Variants in SYN3 observed in about 807,000 individuals in gnomAD.
SYN3 encodes the protein synapsin-3.
Under a neutral mutation model 65.8 loss-of-function variants are expected in SYN3, and 35 were observed. The observed-to-expected ratio is 0.53, with a 90% CI of 0.41 to 0.70. SYN3 has a LOEUF of 0.70. Ranked by LOEUF, SYN3 falls within the 30% of genes least tolerant of loss-of-function variation. The pLI, the probability that SYN3 is intolerant of heterozygous loss-of-function variation, is 0.00. For synonymous variants in SYN3, 270 were observed against 292.9 expected (o/e 0.92, Z 0.80); for missense variants, 680 against 749.0 (o/e 0.91, Z 1.08).
At chr22:32,591,018 GTGCT>G (rs1256527263) in intron 7 of SYN3, among the ~76,000 whole-genome samples, 1 of 152,182 alleles carries the variant, frequency 6.6e-6, no homozygotes, top group Non-Finnish European at 1.5e-5. Context: ...ACTGAGCTAT[GTGCT>G]TGACATATAT....
chr22:32,677,253 GT>G (rs2060458904), intron 6 of SYN3, among the ~76,000 whole-genome samples: 1 of 152,070 alleles, frequency 6.6e-6, no homozygotes. Context: ...TCGGTGATGA[GT>G]TTTTCAGAAG....
At chr22:32,724,577 T>C (rs1286204983) in intron 6 of SYN3, among the ~76,000 whole-genome samples, 1 of 152,242 alleles carries the variant, frequency 6.6e-6, no homozygotes, top group Non-Finnish European at 1.5e-5. Context: ...TGATAATCTA[T>C]ATGAACCTCT....
intron 6 of SYN3, chr22:32,864,518 A>G (rs2048634704): frequency 6.1e-6 from 1 of 164,216 alleles, no homozygotes; most frequent in African/African-American, 2.4e-5. Flanking sequence ...ATCAAATATT[A>G]ATATTACTGC....
At chr22:32,663,840 T>C (rs1438330267) in intron 6 of SYN3, among the ~76,000 whole-genome samples, 1 of 152,146 alleles carries the variant, frequency 6.6e-6, no homozygotes, top group Non-Finnish European at 1.5e-5. Flanking sequence ...TAGAATGATA[T>C]TAAATAGCAA....
intron 4 of SYN3, among the ~76,000 whole-genome samples, chr22:32,890,528 A>C (rs959224566): frequency 1.3e-5 from 2 of 151,930 alleles, no homozygotes; most frequent in African/African-American, 2.4e-5. Flanking sequence ...CTACAGGCGC[A>C]TGCCACCACG....
rs2146479038 is a variant in SYN3, at chr22:32,891,899, G to C, written c.462-22774C>G. On this transcript the variant is annotated intron_variant, in intron 4 of 13. Transcript: ENST00000358763. ...CTGCTGTGAGGACCAGAGGAAATCA[G>C]ACAATTGGAAGTAAATTCCAGGTCT... Among the ~76,000 whole-genome samples the C allele has an allele frequency of 2.6e-5, 4 of 151,962 alleles. No homozygotes were observed. In the South Asian group the frequency reaches 8.3e-4, roughly 32 times the overall value.
At chr22:32,600,202 G>C (rs2059261908) in intron 6 of SYN3, among the ~76,000 whole-genome samples, 5 of 152,202 alleles carry the variant, frequency 3.3e-5, no homozygotes. Flanking sequence ...CCATCTGGGG[G>C]TGATGGGAGA....
intron 7 of SYN3, among the ~76,000 whole-genome samples, chr22:32,571,148 A>G (rs4821074): frequency 0.37 from 56,693 of 151,960 alleles, 10,923 homozygotes; most frequent in East Asian, 0.52. Context: ...AGGCAGTCTG[A>G]GGAAGGCCTT....
chr22:32,934,045 G>A (rs1216717015), intron 3 of SYN3, among the ~76,000 whole-genome samples: 1 of 152,142 alleles, frequency 6.6e-6, no homozygotes, highest in Non-Finnish European at 1.5e-5. Context: ...CACTGTGAAT[G>A]AGTCCAGGTT....
At chr22:32,785,985 A>G (rs1314403739) in intron 6 of SYN3, among the ~76,000 whole-genome samples, 1 of 137,264 alleles carries the variant, frequency 7.3e-6, no homozygotes, top group East Asian at 2.1e-4. Flanking sequence ...AAGGAATTCA[A>G]ACCACTTCAA....
chr22:32,601,108 G>C (rs1426817676), intron 6 of SYN3, among the ~76,000 whole-genome samples: 2 of 152,198 alleles, frequency 1.3e-5, no homozygotes, highest in Non-Finnish European at 2.9e-5. Flanking sequence ...TGTGTTCATT[G>C]CTAGAAATTG....
At chr22:32,802,950 T>A (rs569534944) in intron 6 of SYN3, among the ~76,000 whole-genome samples, 1 of 152,208 alleles carries the variant, frequency 6.6e-6, no homozygotes, top group South Asian at 2.1e-4. Flanking sequence ...CTGGACTTAG[T>A]GTCTTGAGTA....
At chr22:32,984,161 C>CAAAAAAAAAAAAAAAAAACAAAAAA in intron 2 of SYN3, among the ~76,000 whole-genome samples, 1 of 93,016 alleles carries the variant, frequency 1.1e-5, no homozygotes, top group Non-Finnish European at 2.1e-5. Context: ...AAACTCCATC[C>CAAAAAAAAAAAAAAAAAACAAAAAA]AAAAAAAAAA....
At chr22:32,645,706 C>T (rs1026713675) in intron 6 of SYN3, among the ~76,000 whole-genome samples, 2 of 152,188 alleles carry the variant, frequency 1.3e-5, no homozygotes, top group African/African-American at 4.8e-5. Flanking sequence ...GACGTAACTG[C>T]TCCCTGCCCT....
chr22:32,733,567 GGCGGAGCTCAGTCTTT>G (rs2061298490), intron 6 of SYN3, among the ~76,000 whole-genome samples: 1 of 152,204 alleles, frequency 6.6e-6, no homozygotes, highest in South Asian at 2.1e-4. Flanking sequence ...GCCGGCGCCT[GGCGGAGCTCAGTCTTT>G]GCCATATCTG....
chr22:32,743,241 G>A (rs1409265201), intron 6 of SYN3, among the ~76,000 whole-genome samples: 1 of 152,178 alleles, frequency 6.6e-6, no homozygotes, highest in Non-Finnish European at 1.5e-5. Context: ...GTGGGGAAGG[G>A]GGCGGCCTTG....
chr22:32,586,044 GTA>G (rs1417902113), intron 7 of SYN3, among the ~76,000 whole-genome samples: 7 of 141,980 alleles, frequency 4.9e-5, no homozygotes, highest in East Asian at 2.0e-4. Flanking sequence ...ATATGTATAT[GTA>G]TATATGTGTA....
At chr22:32,963,180 C>T (rs1401795915) in intron 3 of SYN3, among the ~76,000 whole-genome samples, 1 of 150,776 alleles carries the variant, frequency 6.6e-6, no homozygotes, top group Non-Finnish European at 1.5e-5. Flanking sequence ...GGGTTCAAGC[C>T]ATTCTCGTGC....
chr22:32,602,235 A>G (rs1601732773), intron 6 of SYN3, among the ~76,000 whole-genome samples: 1 of 152,132 alleles, frequency 6.6e-6, no homozygotes, highest in East Asian at 1.9e-4. Flanking sequence ...CCCCTTCTCC[A>G]GACCAGGTAA....
Sources: gnomAD v4.1 joint callset for allele counts (sites outside exome capture counted in the v4.1 genomes callset) on GRCh38, gnomAD v4.1.1 for gene constraint, MANE v1.5 for transcripts, NCBI Gene and HGNC (gene_info 2026-07-23, HGNC 2026-07-21) for gene names.